CCDC91: variants seen among roughly 807,000 people sequenced by gnomAD.
CCDC91 encodes coiled-coil domain containing 91, also known as coiled-coil domain-containing protein 91.
A neutral mutation model predicts 63.2 loss-of-function variants in CCDC91; 48 were observed. The ratio of observed to expected loss-of-function variants is 0.76; its 90% CI spans 0.60 to 0.97. The LOEUF is 0.97. Among genes scored for constraint, CCDC91 ranks in the 50% least tolerant of loss-of-function variants. The pLI is 0.00. For missense variants in CCDC91, 500 were observed against 494.6 expected (o/e 1.01, Z -0.10); for synonymous variants, 167 against 165.8 (o/e 1.01, Z -0.06).
chr12:28,411,121 T>C (rs786709), intron 8 of CCDC91, among the ~76,000 whole-genome samples: 138,972 of 152,192 alleles, frequency 0.91, 64,651 homozygotes, highest in East Asian at 1. Flanking sequence ...GTTATGATGG[T>C]AAATTTCTTA....
At chr12:28,270,900 G>A (rs778662524) in intron 3 of CCDC91, among the ~76,000 whole-genome samples, 1 of 152,092 alleles carries the variant, frequency 6.6e-6, no homozygotes, top group South Asian at 2.1e-4. Flanking sequence ...ATCAAGCACA[G>A]GTGAGACAAT....
intron 12 of CCDC91, among the ~76,000 whole-genome samples, chr12:28,520,639 C>A (rs1182346072): frequency 2.6e-5 from 4 of 152,172 alleles, no homozygotes; most frequent in African/African-American, 9.7e-5. Context: ...GACATGAAGT[C>A]CTTGCCCATG....
In CCDC91 at chr12:28,305,817, A is replaced by G; in HGVS notation, c.267+11A>G. The G allele has an allele frequency of 1.3e-6, 2 of 1,597,676 alleles. No individual in the cohort carries two copies. The highest frequency in any genetic ancestry group is 1.7e-4 in the Middle Eastern group (1 of 5,960). ...ATTCCAAAAGCACAGGTAAAGACAA[A>G]CATATTTTTAAAGGAGGTTTGCATA... On this transcript the variant is annotated intron_variant, in intron 4 of 12. Transcript: ENST00000536442.
intron 1 of CCDC91, among the ~76,000 whole-genome samples, chr12:28,201,766 C>T (rs911597675): frequency 4.2e-5 from 6 of 144,182 alleles, no homozygotes; most frequent in African/African-American, 1.3e-4. Flanking sequence ...CAGACTCCGT[C>T]TGCAATCCCG....
intron 11 of CCDC91, among the ~76,000 whole-genome samples, chr12:28,456,263 A>G (rs1324961238): frequency 6.6e-6 from 1 of 152,148 alleles, no homozygotes; most frequent in African/African-American, 2.4e-5. Context: ...CAGAGCTTAC[A>G]TTCAAGTTGG....
intron 6 of CCDC91, among the ~76,000 whole-genome samples, chr12:28,359,743 T>C (rs1390333141): frequency 1.3e-5 from 2 of 149,758 alleles, no homozygotes; most frequent in African/African-American, 2.6e-5. Flanking sequence ...CTGCCTATTA[T>C]GATCCACTAG....
intron 7 of CCDC91, among the ~76,000 whole-genome samples, chr12:28,376,775 T>G (rs1421040570): frequency 2.0e-5 from 3 of 151,820 alleles, no homozygotes; most frequent in Admixed American, 6.6e-5. Flanking sequence ...TATTAGTGCT[T>G]GAGGTAAAGT....
At chr12:28,333,662 G>A (rs529374022) in intron 6 of CCDC91, among the ~76,000 whole-genome samples, 9 of 151,966 alleles carry the variant, frequency 5.9e-5, no homozygotes, top group African/African-American at 1.9e-4. Flanking sequence ...AGGGAATCTC[G>A]GCTTTCATTA....
At chr12:28,410,610 C>T (rs1947256935) in intron 8 of CCDC91, among the ~76,000 whole-genome samples, 4 of 152,056 alleles carry the variant, frequency 2.6e-5, no homozygotes, top group Admixed American at 1.3e-4. Flanking sequence ...CAACGTCTGT[C>T]TCTTGGGCTC....
At chr12:28,507,021 C>T (rs983457594) in intron 12 of CCDC91, among the ~76,000 whole-genome samples, 2 of 151,862 alleles carry the variant, frequency 1.3e-5, no homozygotes, top group African/African-American at 4.8e-5. Context: ...GATAATTTTT[C>T]TCTGATGCAA....
At chr12:28,287,833 AGT>A (rs1164521034) in intron 3 of CCDC91, among the ~76,000 whole-genome samples, 2 of 152,094 alleles carry the variant, frequency 1.3e-5, no homozygotes, top group African/African-American at 4.8e-5. Context: ...TCTATCCATG[AGT>A]GTGGAATGCT....
At chr12:28,314,587 A>G (rs1298638772) in intron 6 of CCDC91, among the ~76,000 whole-genome samples, 1 of 151,922 alleles carries the variant, frequency 6.6e-6, no homozygotes, top group African/African-American at 2.4e-5. Context: ...AGGAAATATT[A>G]GTACACATTA....
chr12:28,438,162 T>G (rs1949006941), intron 8 of CCDC91, among the ~76,000 whole-genome samples: 1 of 152,144 alleles, frequency 6.6e-6, no homozygotes, highest in Non-Finnish European at 1.5e-5. Flanking sequence ...TGCTATGGTA[T>G]GGATGTTTGT....
intron 1 of CCDC91, among the ~76,000 whole-genome samples, chr12:28,213,572 T>C (rs1396752054): frequency 1.3e-5 from 2 of 152,228 alleles, no homozygotes; most frequent in Non-Finnish European, 2.9e-5. Context: ...GCTCCCATCA[T>C]GAAAGGGACA....
intron 8 of CCDC91, among the ~76,000 whole-genome samples, chr12:28,396,642 TTTTGTGTGTG>T (rs58195538): frequency 0.15 from 22,597 of 147,842 alleles, 2,048 homozygotes; most frequent in African/African-American, 0.26. Context: ...ATAAAGGAGA[TTTTGTGTGTG>T]TGTGTGTGTG....
intron 1 of CCDC91, among the ~76,000 whole-genome samples, chr12:28,216,794 T>C (rs887008605): frequency 1.3e-4 from 20 of 152,006 alleles, no homozygotes; most frequent in African/African-American, 4.6e-4. Flanking sequence ...GGGAAGTAAA[T>C]AGAATGTTAC....
chr12:28,327,727 G>T (rs1383154306), intron 6 of CCDC91, among the ~76,000 whole-genome samples: 1 of 152,112 alleles, frequency 6.6e-6, no homozygotes, highest in African/African-American at 2.4e-5. Context: ...ATTTACTCCG[G>T]ACAACGACGC....
At chr12:28,445,008 C>T (rs1949426286) in intron 8 of CCDC91, among the ~76,000 whole-genome samples, 2 of 152,248 alleles carry the variant, frequency 1.3e-5, no homozygotes, top group Admixed American at 6.5e-5. Flanking sequence ...TACCTTTTCT[C>T]CTTCTGATGT....
chr12:28,359,595 T>A (rs1354327144), intron 6 of CCDC91, among the ~76,000 whole-genome samples: 1 of 152,196 alleles, frequency 6.6e-6, no homozygotes, highest in Non-Finnish European at 1.5e-5. Context: ...TGTGAATATA[T>A]GTTGTTAATT....
Sources: allele counts gnomAD v4.1 joint callset (sites outside exome capture counted in the v4.1 genomes callset), GRCh38; gene constraint gnomAD v4.1.1; transcripts MANE v1.5; gene names NCBI Gene and HGNC (gene_info 2026-07-23, HGNC 2026-07-21).